Variants in PAPPA observed in about 807,000 individuals in gnomAD.
The protein encoded by PAPPA is pappalysin 1.
A neutral mutation model predicts 164.0 loss-of-function variants in PAPPA; 60 were observed. The ratio of observed to expected loss-of-function variants is 0.37; its 90% CI spans 0.30 to 0.45. PAPPA has a LOEUF of 0.45. Among genes scored for constraint, PAPPA ranks in the 20% least tolerant of loss-of-function variants. The probability of loss-of-function intolerance (pLI) is 1.00; values close to 1 mark genes in which losing one functional copy is unlikely to be tolerated. For missense variants in PAPPA, 1,782 were observed against 2,087.3 expected (o/e 0.85, Z 2.85); for synonymous variants, 875 against 814.1 (o/e 1.07, Z -1.27).
At position 116,266,537 on chromosome 9, in the gene PAPPA, G is replaced by T. The variant is rs372303005; in HGVS notation, c.2861+552G>T. Among the ~76,000 whole-genome samples, 104 of 152,242 alleles carry T rather than the reference G, an allele frequency of 6.8e-4. 1 individual carries two copies. The highest frequency in any genetic ancestry group is 2.4e-3 in the African/African-American group (101 of 41,556). On this transcript the variant is annotated intron_variant, in intron 8 of 21. Coordinates refer to ENST00000328252, the MANE Select transcript of PAPPA (RefSeq NM_002581.5). The stretch of plus-strand genomic sequence containing the variant: ...ACCATAAATAATAAACAGTGCTCTG[G>T]AGTGAATATTGAATGTGAATATGAG...
chr9:116,187,900 C>A lies in PAPPA; in HGVS notation c.1162C>A (p.Gln388Lys), dbSNP rs755910737. The A allele has an allele frequency of 3.7e-6, 6 of 1,614,044 alleles. No homozygotes were observed. Among genetic ancestry groups the A allele is most frequent in the Middle Eastern group, 1.6e-4 (1 of 6,084 alleles). ...CCATCAGCTGGCTGAGGCCTTCAAG[C>A]AATACAACATCTCCTGGGAGCTGGA... is the stretch of plus-strand genomic sequence containing the variant. The part of the protein sequence containing the change: ...QHHQLAEAFK[Q>K]YNISWELDVL... Residue 388 changes from glutamine (Q) to lysine (K), a missense_variant, in exon 2 of 22, where the codon CAA becomes AAA. Gln to Lys is a moderately conservative substitution (Grantham distance 53). Around this residue, in one of 2 missense-constraint regions of PAPPA, gnomAD observed 1,324 missense variants for 1,656.9 expected, o/e 0.80. Coordinates refer to ENST00000328252, the MANE Select transcript of PAPPA (RefSeq NM_002581.5). This position sits in a 1 kb window ranked among gnomAD's most constrained non-coding sequence, Gnocchi z 4.2.
At position 116,357,335 on chromosome 9, in the gene PAPPA, C is replaced by T. The variant is rs192385402; in HGVS notation, c.4347+3542C>T. Among the ~76,000 whole-genome samples the T allele has an allele frequency of 3.0e-4, 45 of 152,330 alleles. 1 individual carries two copies. The South Asian group carries it at 6.4e-3, about 22-fold the overall frequency. On this transcript the variant is annotated intron_variant, in intron 17 of 21. Coordinates refer to ENST00000328252, the MANE Select transcript of PAPPA (RefSeq NM_002581.5). ...TCAGATAGTCCAGCTCTAGCACTTA[C>T]GGTATTCTCGTCTCTTTAAACCATG...
intron 8 of PAPPA, among the ~76,000 whole-genome samples, chr9:116,269,359 T>C (rs1431094713): frequency 6.6e-6 from 1 of 152,176 alleles, no homozygotes; most frequent in Non-Finnish European, 1.5e-5. Flanking sequence ...GTGACAACTC[T>C]GCAAAACTAA....
intron 7 of PAPPA, among the ~76,000 whole-genome samples, chr9:116,242,471 A>T (rs1441969408): frequency 6.6e-6 from 1 of 152,244 alleles, no homozygotes; most frequent in African/African-American, 2.4e-5. Flanking sequence ...TTAATTTGGG[A>T]TATCTATCTA....
At chr9:116,353,205 A>G (rs1375630024) in intron 16 of PAPPA, among the ~76,000 whole-genome samples, 3 of 152,228 alleles carry the variant, frequency 2.0e-5, no homozygotes, top group African/African-American at 7.2e-5. Context: ...GTATGATAAT[A>G]ACAGTTACCA....
At chr9:116,264,114 T>C (rs1003663539) in intron 7 of PAPPA, among the ~76,000 whole-genome samples, 2 of 152,166 alleles carry the variant, frequency 1.3e-5, no homozygotes, top group African/African-American at 4.8e-5. Flanking sequence ...GTCATATTTA[T>C]CATGTAACTT....
intron 9 of PAPPA, among the ~76,000 whole-genome samples, chr9:116,288,263 G>C (rs1845366349): frequency 6.6e-6 from 1 of 152,132 alleles, no homozygotes; most frequent in African/African-American, 2.4e-5. Flanking sequence ...CAGCTACTTG[G>C]GAGGCTGAGG....
rs764724172 is a variant in PAPPA at position 116,211,939 on chromosome 9, C to A, written c.1918+7C>A. 5 of 1,612,352 alleles carry A rather than the reference C, an allele frequency of 3.1e-6. No homozygotes were observed. The South Asian group carries it at 5.5e-5, about 18-fold the overall frequency. On this transcript the variant is annotated splice_region_variant and intron_variant, in intron 4 of 21. Coordinates refer to ENST00000328252, the MANE Select transcript of PAPPA (RefSeq NM_002581.5). The stretch of plus-strand genomic sequence containing the variant: ...AACTTCATGAGCTATGCAGGTAGGG[C>A]CCTACACTCTGTAGGGTGAACAGGT...
chr9:116,401,777 G>C lies in PAPPA; in HGVS notation c.*5161G>C, dbSNP rs1157411779. 1 of 149,358 alleles carries C rather than the reference G, an allele frequency of 6.7e-6. No individual in the cohort carries two copies. The highest frequency in any genetic ancestry group is 2.5e-5 in the African/African-American group (1 of 40,746). The allele number at this position is 149,358 out of a possible 1,614,324, so 9.3% of individuals were successfully genotyped here. A position where few individuals can be genotyped will look rare whatever the true frequency, so the allele number is the denominator to read the frequency against. ...GAAACCTGTTTGGCACCTTCTGGAAGCTACCAAAAAAATGACACTCCATTG... is the reference window on the plus strand; with the variant it reads ...GAAACCTGTTTGGCACCTTCTGGAACCTACCAAAAAAATGACACTCCATTG... On this transcript the variant is annotated 3_prime_UTR_variant, in exon 22 of 22. Transcript: ENST00000328252.
At chr9:116,260,422 C>A (rs1844987560) in intron 7 of PAPPA, among the ~76,000 whole-genome samples, 1 of 152,146 alleles carries the variant, frequency 6.6e-6, no homozygotes, top group South Asian at 2.1e-4. Context: ...CCTTCCCTTC[C>A]CATTCTTGGC....
chr9:116,223,447 G>C (rs1844468926), intron 5 of PAPPA, among the ~76,000 whole-genome samples: 1 of 152,150 alleles, frequency 6.6e-6, no homozygotes, highest in South Asian at 2.1e-4. Flanking sequence ...TGTGTAATGA[G>C]ATATGTCTCT....
In PAPPA at chr9:116,401,299, G is replaced by A. The variant is rs921596630; in HGVS notation, c.*4683G>A. 3.3e-5 allele frequency: 5 copies of A among 152,542 alleles called. No homozygotes were observed. 9.4% of individuals were successfully genotyped at this position (152,542 alleles called of 1,614,324 possible). ...TTCTGGTCATTTCCAACTTATAGAG[G>A]AAGGGAGTCTCTAAAATCTCTTCTT... On this transcript the variant is annotated 3_prime_UTR_variant, in exon 22 of 22. Transcript: ENST00000328252.
At chr9:116,188,432 C>T (rs186184685) in intron 2 of PAPPA, among the ~76,000 whole-genome samples, 2 of 152,240 alleles carry the variant, frequency 1.3e-5, no homozygotes, top group Admixed American at 1.3e-4. Context: ...TACCATGAGT[C>T]ATGAGGGAAG....
chr9:116,331,350 G>C lies in PAPPA; in HGVS notation c.3254G>C (p.Trp1085Ser), dbSNP rs1845988756. 6.2e-7 allele frequency: 1 copy of C among 1,601,960 alleles called. No individual in the cohort carries two copies. The highest frequency in any genetic ancestry group is 1.1e-5 in the South Asian group (1 of 90,832). Residue 1085 changes from tryptophan (W) to serine (S), a missense_variant, in exon 11 of 22, where the codon TGG becomes TCG. Trp to Ser is a radical substitution (Grantham distance 177). Transcript: ENST00000328252. ...PYSQLAQTTF[W>S]LRAYFSQPMV... is the part of the protein sequence containing the mutation. ...TCCCAGCTGGCTCAGACCACTTTTT[G>C]GCTCCGGGTAAGCTGAAGCTCTGAG... is the stretch of plus-strand genomic sequence containing the variant.
chr9:116,271,255 G>T lies in PAPPA; in HGVS notation c.2862-70G>T. 9.6e-7 allele frequency: 1 copy of T among 1,043,664 alleles called. No homozygotes were observed. Among genetic ancestry groups the T allele is most frequent in the Non-Finnish European group, 1.5e-6 (1 of 661,888 alleles). 64.7% of individuals were successfully genotyped at this position (1,043,664 alleles called of 1,614,324 possible). A position where few individuals can be genotyped will look rare whatever the true frequency, so the allele number is the denominator to read the frequency against. ...CACTGAAGGTTCATGGCCCAGGGAG[G>T]GACTTTTCCATGTCCAGCCATGGTT... On this transcript the variant is annotated intron_variant, in intron 8 of 21. Transcript: ENST00000328252. This position sits in a 1 kb window ranked among gnomAD's most constrained non-coding sequence, Gnocchi z 4.2.
Position 116,398,701 on chromosome 9 carries a change from T to C in PAPPA, c.*2085T>C. 1 of 481,490 alleles carries C rather than the reference T, an allele frequency of 2.1e-6. No individual in the cohort carries two copies. The highest frequency in any genetic ancestry group is 4.0e-6 in the Non-Finnish European group (1 of 250,112). 29.8% of individuals were successfully genotyped at this position (481,490 alleles called of 1,614,324 possible). On this transcript the variant is annotated 3_prime_UTR_variant, in exon 22 of 22. Coordinates refer to ENST00000328252, the MANE Select transcript of PAPPA (RefSeq NM_002581.5). The stretch of plus-strand genomic sequence containing the variant: ...ATGAGACTTGTACCATTTCACAAAC[T>C]CTGAAATTGGGTTCCATATTGGCAA...
chr9:116,244,402 T>G (rs1844772634), intron 7 of PAPPA, among the ~76,000 whole-genome samples: 4 of 152,222 alleles, frequency 2.6e-5, no homozygotes. Flanking sequence ...TATTCATTTG[T>G]TTGTTTCTAC....
At chr9:116,212,054 C>T in intron 4 of PAPPA, 122 bp downstream of exon 4, 1 of 796,664 alleles carries the variant, frequency 1.3e-6, no homozygotes, top group East Asian at 2.5e-5. Flanking sequence ...CTAGCTCTGC[C>T]ACTTATCCAC....
At chr9:116,382,585 G>A in intron 21 of PAPPA, 92 bp downstream of exon 21, 1 of 808,802 alleles carries the variant, frequency 1.2e-6, no homozygotes, top group Non-Finnish European at 2.2e-6. Flanking sequence ...GACAACCCTT[G>A]TCCTAACTCT....
Sources: allele counts gnomAD v4.1 joint callset (sites outside exome capture counted in the v4.1 genomes callset), GRCh38; gene constraint gnomAD v4.1.1; regional missense constraint gnomAD v4.1.1; non-coding constraint Gnocchi (gnomAD v3.1); transcripts MANE v1.5; gene names NCBI Gene and HGNC (gene_info 2026-07-23, HGNC 2026-07-21).